Variants in DCC observed in about 807,000 individuals in gnomAD.
DCC encodes the protein DCC netrin 1 receptor.
A neutral mutation model predicts 172.5 loss-of-function variants in DCC; 58 were observed. The ratio of observed to expected loss-of-function variants is 0.34; its 90% CI spans 0.27 to 0.42. DCC has a LOEUF of 0.42. DCC is among the 10% of genes least tolerant of loss of function. The pLI is 1.00. For synonymous variants in DCC, 709 were observed against 644.5 expected, an observed-to-expected ratio of 1.10 and a Z score of -1.52; for missense variants, 1,740 against 1,791.0, an observed-to-expected ratio of 0.97 and a Z score of 0.51.
intron 1 of DCC, among the ~76,000 whole-genome samples, chr18:52,430,411 A>C (rs1479652797): frequency 6.6e-6 from 1 of 152,100 alleles, no homozygotes; most frequent in Non-Finnish European, 1.5e-5. Context: ...TGCATTGGTT[A>C]ATTGGATGTG....
At chr18:53,310,991 GAC>G (rs5825008) in intron 13 of DCC, among the ~76,000 whole-genome samples, 65 of 145,640 alleles carry the variant, frequency 4.5e-4, no homozygotes, top group Non-Finnish European at 4.7e-4. Flanking sequence ...AAGCATCTAG[GAC>G]ACACACACAC....
chr18:52,446,863 T>C (rs1462097326), intron 1 of DCC, among the ~76,000 whole-genome samples: 2 of 152,214 alleles, frequency 1.3e-5, no homozygotes, highest in African/African-American at 4.8e-5. Context: ...TGTCTCCAGT[T>C]TTAAATCTTG....
intron 15 of DCC, among the ~76,000 whole-genome samples, chr18:53,366,314 G>A (rs1599070383): frequency 6.6e-6 from 1 of 151,998 alleles, no homozygotes; most frequent in Non-Finnish European, 1.5e-5. Flanking sequence ...TCCCAAAGTG[G>A]TGGGATTACA....
chr18:52,875,046 C>T (rs570357738), intron 2 of DCC, among the ~76,000 whole-genome samples: 2 of 151,834 alleles, frequency 1.3e-5, no homozygotes, highest in Admixed American at 6.6e-5. Context: ...GGTGTTTGGG[C>T]CAGACAGAGG....
chr18:52,993,006 T>A (rs1298581672), intron 5 of DCC, among the ~76,000 whole-genome samples: 3 of 149,756 alleles, frequency 2.0e-5, no homozygotes, highest in Non-Finnish European at 4.4e-5. Context: ...AAAAAACACA[T>A]GTGAAATGAG....
chr18:52,545,373 G>A (rs1417719118), intron 1 of DCC, among the ~76,000 whole-genome samples: 1 of 152,206 alleles, frequency 6.6e-6, no homozygotes, highest in Non-Finnish European at 1.5e-5. Context: ...CCAGAAGCTG[G>A]TAAGTGGACA....
chr18:53,295,272 C>A (rs2057053336), intron 12 of DCC, among the ~76,000 whole-genome samples: 1 of 151,812 alleles, frequency 6.6e-6, no homozygotes. Context: ...TTTATTAATG[C>A]TAAACTTAAA....
chr18:52,453,856 A>G (rs949526794), intron 1 of DCC, among the ~76,000 whole-genome samples: 1 of 152,218 alleles, frequency 6.6e-6, no homozygotes, highest in Admixed American at 6.5e-5. Flanking sequence ...CAGAATATGT[A>G]CAGATTAACT....
At chr18:52,556,266 A>G (rs1474277629) in intron 1 of DCC, among the ~76,000 whole-genome samples, 2 of 152,104 alleles carry the variant, frequency 1.3e-5, no homozygotes, top group Non-Finnish European at 2.9e-5. Context: ...ACACAAAACA[A>G]CTTCCCGTAG....
At chr18:53,357,352 G>C (rs529747518) in intron 15 of DCC, among the ~76,000 whole-genome samples, 1 of 152,062 alleles carries the variant, frequency 6.6e-6, no homozygotes, top group South Asian at 2.1e-4. Context: ...TGCATTCTAA[G>C]TTCAGTGAAT....
intron 1 of DCC, chr18:52,408,960 C>A (rs1452273878): frequency 6.6e-6 from 1 of 152,018 alleles, no homozygotes; most frequent in East Asian, 1.9e-4. Context: ...TGAGGTAGAT[C>A]CAAAAGCAGC....
intron 2 of DCC, among the ~76,000 whole-genome samples, chr18:52,838,425 ATGAAAAAATTCTAC>A (rs1375766046): frequency 1.6e-4 from 25 of 152,296 alleles, no homozygotes; most frequent in East Asian, 7.7e-4. Context: ...ATGTATTAGT[ATGAAAAAATTCTAC>A]AGTTGTACAC....
At chr18:52,608,613 AC>A (rs1369402377) in intron 1 of DCC, among the ~76,000 whole-genome samples, 1 of 152,204 alleles carries the variant, frequency 6.6e-6, no homozygotes, top group African/African-American at 2.4e-5. Context: ...GTACATAAGA[AC>A]CACATAGGAG....
intron 2 of DCC, among the ~76,000 whole-genome samples, chr18:52,890,056 T>A (rs1351394557): frequency 6.6e-6 from 1 of 152,178 alleles, no homozygotes; most frequent in African/African-American, 2.4e-5. Flanking sequence ...TACCAATAAA[T>A]AGCTGCTGAT....
intron 5 of DCC, among the ~76,000 whole-genome samples, chr18:52,970,107 A>G (rs1159394778): frequency 6.6e-6 from 1 of 152,170 alleles, no homozygotes; most frequent in East Asian, 1.9e-4. Flanking sequence ...AGATACATAT[A>G]AATCTTAAAT....
At chr18:53,513,776 A>G (rs1230648962) in intron 27 of DCC, among the ~76,000 whole-genome samples, 1 of 149,840 alleles carries the variant, frequency 6.7e-6, no homozygotes, top group Admixed American at 6.7e-5. Flanking sequence ...TCCTAAATAT[A>G]TATGCACCCA....
Position 53,279,828 on chromosome 18 carries a change from G to C in DCC, c.1912-25750G>C, listed in dbSNP as rs577165514. Among the ~76,000 whole-genome samples, 3 of 152,082 alleles carry C rather than the reference G, an allele frequency of 2.0e-5. No homozygotes were observed. The South Asian group carries it at 6.2e-4, about 32-fold the overall frequency. ...AAGCCAAAATCCTGAGTGAACTAAC[G>C]CAGGAACAGAAAACCAAATACTGTA... On this transcript the variant is annotated intron_variant, in intron 12 of 28. Coordinates refer to ENST00000442544, the MANE Select transcript of DCC (RefSeq NM_005215.4).
At chr18:52,919,440 A>C (rs2040087023) in intron 3 of DCC, among the ~76,000 whole-genome samples, 2 of 152,222 alleles carry the variant, frequency 1.3e-5, no homozygotes, top group African/African-American at 4.8e-5. Flanking sequence ...CAAATGATAT[A>C]AAGAAATACC....
In DCC at chr18:52,628,864, T is replaced by C. The variant is rs573413054; in HGVS notation, c.92-123190T>C. ...CTGAAGCTGCAAGTGTTATTAACAT[T>C]AACCTAAGTTGGGCATCTGTGCAAA... On this transcript the variant is annotated intron_variant, in intron 1 of 28. Transcript: ENST00000442544. Among the ~76,000 whole-genome samples the C allele has an allele frequency of 5.8e-4, 89 of 152,330 alleles. 4 individuals are homozygous for C. In the South Asian group the frequency reaches 0.017, roughly 30 times the overall value.
Sources: gnomAD v4.1 joint callset for allele counts (sites outside exome capture counted in the v4.1 genomes callset) on GRCh38, gnomAD v4.1.1 for gene constraint, MANE v1.5 for transcripts, NCBI Gene and HGNC (gene_info 2026-07-23, HGNC 2026-07-21) for gene names.